HES7: variants seen among roughly 807,000 people sequenced by gnomAD.
HES7 encodes transcription factor HES-7.
Under a neutral mutation model 18.0 loss-of-function variants are expected in HES7, and 8 were observed. The observed-to-expected ratio is 0.45, with a 90% confidence interval of 0.26 to 0.80. The LOEUF is 0.80. Ranked by LOEUF, HES7 falls within the 30% of genes least tolerant of loss-of-function variation. The pLI, the probability that HES7 is intolerant of heterozygous loss-of-function variation, is 0.18. For missense variants in HES7, 356 were observed against 340.9 expected (o/e 1.04, Z -0.35); for synonymous variants, 170 against 158.6 (o/e 1.07, Z -0.54).
upstream of HES7, among the ~76,000 whole-genome samples, chr17:8,125,734 T>A (rs143663718): frequency 1.3e-5 from 2 of 152,148 alleles, no homozygotes; most frequent in Non-Finnish European, 2.9e-5. Context: ...CCCCGCAGAA[T>A]CTTTAAGCCG....
chr17:8,121,957 C>G lies in HES7; in HGVS notation c.307G>C (p.Glu103Gln). 2 of 1,555,202 alleles carry G rather than the reference C, an allele frequency of 1.3e-6. No individual in the cohort carries two copies. The highest frequency in any genetic ancestry group is 1.7e-6 in the Non-Finnish European group (2 of 1,160,948). ...LASCYLSGFR[E>Q]CLLRLAAFAH... ...AAGGCCGCCAAGCGAAGCAGGCACTCGCGGAAACCGGACAAGTAGCAGCTG... is the reference window on the plus strand; with the variant it reads ...AAGGCCGCCAAGCGAAGCAGGCACTGGCGGAAACCGGACAAGTAGCAGCTG... The change falls in exon 4 of 4, where the codon GAG becomes CAG. Residue 103 changes from glutamate (E) to glutamine (Q), a missense_variant. Glu to Gln is a conservative substitution (Grantham distance 29). Transcript: ENST00000541682.
upstream of HES7, chr17:8,124,110 G>A (rs1280410241): frequency 6.2e-7 from 1 of 1,613,824 alleles, no homozygotes; most frequent in East Asian, 2.2e-5. Context: ...TGTGTGGACC[G>A]GTTCCCTGCT....
chr17:8,121,687 C>G lies in HES7; in HGVS notation c.577G>C (p.Gly193Arg). ...AGTCCGGTGAGGGGCGCCGGCGCGC[C>G]AGAATCCCCGGCGCGCGGGGAGCAG... ...SLCSPRAGDS[G>R]APAPLTGLLP... Residue 193 changes from glycine (G) to arginine (R), a missense_variant, in exon 4 of 4, where the codon GGC becomes CGC. By Grantham distance (125) the Gly-to-Arg change is moderately radical (BLOSUM62 -2). Coordinates refer to ENST00000541682, the MANE Select transcript of HES7 (RefSeq NM_001165967.2). The G allele has an allele frequency of 7.5e-7, 1 of 1,327,018 alleles. No individual in the cohort carries two copies. The highest frequency in any genetic ancestry group is 9.6e-7 in the Non-Finnish European group (1 of 1,045,046). 82.2% of individuals were successfully genotyped at this position (1,327,018 alleles called of 1,614,324 possible).
rs1195182880 is a variant in HES7 at position 8,122,329 on chromosome 17, C to A, written c.226+14G>T. The stretch of plus-strand genomic sequence containing the variant: ...CCCCCTCCCTCCCTCCGCTGCCCCA[C>A]CCCCGCGCTGTACCCGGGGGCTCCA... On this transcript the variant is annotated intron_variant, in intron 3 of 3. Transcript: ENST00000541682. This position sits in a 1 kb window ranked among gnomAD's most constrained non-coding sequence, Gnocchi z 6.9. The A allele has an allele frequency of 6.4e-7, 1 of 1,568,302 alleles. No homozygotes were observed. The highest frequency in any genetic ancestry group is 8.7e-7 in the Non-Finnish European group (1 of 1,154,600).
upstream of HES7, among the ~76,000 whole-genome samples, chr17:8,125,061 G>A (rs115873433): frequency 6.4e-4 from 98 of 152,104 alleles, no homozygotes; most frequent in African/African-American, 2.2e-3. Context: ...GGAAAGCAAG[G>A]GGTACAAAAA....
rs753173122 is a variant in HES7 at position 8,121,734 on chromosome 17, C to G, written c.530G>C (p.Arg177Pro). Reference protein sequence around the residue: ...PPVHQGHPSPRCAWSPSLCSP... With the variant: ...PPVHQGHPSPPCAWSPSLCSP... The stretch of plus-strand genomic sequence containing the variant: ...GCAGAGGGATGGGGACCATGCGCAG[C>G]GCGGGCTAGGGTGGCCCTGGTGCAC... The change falls in exon 4 of 4, where the codon CGC becomes CCC. Residue 177 changes from arginine to proline, a missense_variant. Transcript: ENST00000541682. 15 of 1,422,784 alleles carry G rather than the reference C, an allele frequency of 1.1e-5. No homozygotes were observed. Among genetic ancestry groups the G allele is most frequent in the Non-Finnish European group, 1.3e-5 (14 of 1,099,754 alleles). 88.1% of individuals were successfully genotyped at this position (1,422,784 alleles called of 1,614,324 possible).
upstream of HES7, among the ~76,000 whole-genome samples, chr17:8,126,331 T>C (rs911300914): frequency 2.6e-5 from 4 of 152,182 alleles, no homozygotes; most frequent in African/African-American, 7.2e-5. Flanking sequence ...CCTGGGTCTC[T>C]CTGGTGTTGG....
chr17:8,125,268 G>A (rs1039878782), upstream of HES7, among the ~76,000 whole-genome samples: 1 of 152,138 alleles, frequency 6.6e-6, no homozygotes, highest in African/African-American at 2.4e-5. Context: ...GAGACCAATG[G>A]GGTTTCCTTC....
At chr17:8,125,771 C>G (rs752314188), upstream of HES7, among the ~76,000 whole-genome samples, 1 of 152,228 alleles carries the variant, frequency 6.6e-6, no homozygotes, top group African/African-American at 2.4e-5. Context: ...TGGTAGAATT[C>G]TCGCCTGCCA....
rs1471242507 is a variant in HES7, at chr17:8,122,181, G to T, written c.227-144C>A. 2 of 933,824 alleles carry T rather than the reference G, an allele frequency of 2.1e-6. No homozygotes were observed. The highest frequency in any genetic ancestry group is 3.2e-6 in the Non-Finnish European group (2 of 628,846). The allele number at this position is 933,824 out of a possible 1,614,324, so 57.8% of individuals were successfully genotyped here. ...ACGGAAAGAGGGAGAAAATGAGGGA[G>T]ACACAGAGACAGACACGCGCGGGTG... On this transcript the variant is annotated intron_variant, in intron 3 of 3. Coordinates refer to ENST00000541682, the MANE Select transcript of HES7 (RefSeq NM_001165967.2). The surrounding 1 kb of genome is among the most constrained non-coding windows in gnomAD (Gnocchi z 6.9).
chr17:8,125,125 T>C (rs561904338), upstream of HES7, among the ~76,000 whole-genome samples: 1 of 152,262 alleles, frequency 6.6e-6, no homozygotes, highest in Admixed American at 6.5e-5. Context: ...GAACGATGCC[T>C]GACCACTCGA....
Position 8,121,683 on chromosome 17 carries a change from G to A in HES7, c.581C>T (p.Ala194Val). ...CAGCAGTCCGGTGAGGGGCGCCGGC[G>A]CGCCAGAATCCCCGGCGCGCGGGGA... ...LCSPRAGDSG[A>V]PAPLTGLLPP... The change falls in exon 4 of 4, where the codon GCG becomes GTG. Residue 194 changes from alanine to valine, a missense_variant. Coordinates refer to ENST00000541682, the MANE Select transcript of HES7 (RefSeq NM_001165967.2). 7.5e-7 allele frequency: 1 copy of A among 1,326,248 alleles called. No homozygotes were observed. The highest frequency in any genetic ancestry group is 4.1e-5 in the Admixed American group (1 of 24,260). 82.2% of individuals were successfully genotyped at this position (1,326,248 alleles called of 1,614,324 possible). A position where few individuals can be genotyped will look rare whatever the true frequency, so the allele number is the denominator to read the frequency against.
chr17:8,123,417 C>A lies in HES7; in HGVS notation c.43-291G>T. 3.8e-6 allele frequency: 2 copies of A among 523,068 alleles called. No homozygotes were observed. Among genetic ancestry groups the A allele is most frequent in the Non-Finnish European group, 6.9e-6 (2 of 288,584 alleles). 32.4% of individuals were successfully genotyped at this position (523,068 alleles called of 1,614,324 possible). ...TTTCTCTCTACGTCTCCGTCTGGTGCAGTTTCTCTTTGTCTCAGTGGAGAA... is the reference window on the plus strand; with the variant it reads ...TTTCTCTCTACGTCTCCGTCTGGTGAAGTTTCTCTTTGTCTCAGTGGAGAA... On this transcript the variant is annotated intron_variant, in intron 1 of 3. Transcript: ENST00000541682. The surrounding 1 kb of genome is among the most constrained non-coding windows in gnomAD (Gnocchi z 5.9).
At position 8,122,425 on chromosome 17, in the gene HES7, G is replaced by A. The variant is rs1161024448; in HGVS notation, c.144C>T (p.Leu48=). 7 of 1,582,176 alleles carry A rather than the reference G, an allele frequency of 4.4e-6. No individual in the cohort carries two copies. Among genetic ancestry groups the A allele is most frequent in the Non-Finnish European group, 6.0e-6 (7 of 1,163,984 alleles). Residue 48 remains leucine (L), a synonymous_variant, in exon 3 of 4, where the codon CTC becomes CTT. Coordinates refer to ENST00000541682, the MANE Select transcript of HES7 (RefSeq NM_001165967.2). This position sits in a 1 kb window ranked among gnomAD's most constrained non-coding sequence, Gnocchi z 6.9. ...LLLERTRDQN[L]RNPKLEKAEI... ...CCGCTTTCTCCAGCTTCGGGTTCCG[G>A]AGGTTCTACAGACGGGAGGGGAGGG... is the stretch of plus-strand genomic sequence containing the variant.
In HES7 at chr17:8,122,320, GCT is replaced by G; in HGVS notation, c.226+21_226+22del. On this transcript the variant is annotated intron_variant, in intron 3 of 3. Coordinates refer to ENST00000541682, the MANE Select transcript of HES7 (RefSeq NM_001165967.2). The surrounding 1 kb of genome is among the most constrained non-coding windows in gnomAD (Gnocchi z 6.9). ...CCTGGCGTCCCCCCTCCCTCCCTCC[GCT>G]GCCCCACCCCCGCGCTGTACCCGGG... The G allele has an allele frequency of 1.1e-6, 1 of 891,942 alleles. No homozygotes were observed. The highest frequency in any genetic ancestry group is 1.7e-6 in the Non-Finnish European group (1 of 581,450). The allele number at this position is 891,942 out of a possible 1,614,324, so 55.3% of individuals were successfully genotyped here.
rs1213849112 is a variant in HES7, at chr17:8,123,063, T to C, written c.106A>G (p.Arg36Gly). 2 of 1,605,320 alleles carry C rather than the reference T, an allele frequency of 1.2e-6. No individual in the cohort carries two copies. Among genetic ancestry groups the C allele is most frequent in the South Asian group, 2.2e-5 (2 of 89,492 alleles). ...CGGGTCCGCTCCAGCAGCAGCAGCC[T>C]CAGCTCTTCCAGGCTGCGGTTGATG... ...DRINRSLEEL[R>G]LLLLERTRDQ... Residue 36 changes from arginine (R) to glycine (G), a missense_variant, in exon 2 of 4, where the codon AGG becomes GGG. Transcript: ENST00000541682. The surrounding 1 kb of genome is among the most constrained non-coding windows in gnomAD (Gnocchi z 5.9).
Position 8,123,248 on chromosome 17 carries a change from C to G in HES7, c.43-122G>C. 1.3e-6 allele frequency: 1 copy of G among 750,352 alleles called. No homozygotes were observed. Among genetic ancestry groups the G allele is most frequent in the East Asian group, 2.7e-5 (1 of 37,194 alleles). 46.5% of individuals were successfully genotyped at this position (750,352 alleles called of 1,614,324 possible). A position where few individuals can be genotyped will look rare whatever the true frequency, so the allele number is the denominator to read the frequency against. On this transcript the variant is annotated intron_variant, in intron 1 of 3. Coordinates refer to ENST00000541682, the MANE Select transcript of HES7 (RefSeq NM_001165967.2). The surrounding 1 kb of genome is among the most constrained non-coding windows in gnomAD (Gnocchi z 5.9). Reference sequence around the variant, plus strand: ...ACCCCGGCCACAAGACCCCAGATTGCCTAGGGCCGGCCCCATTCGATCCCT... The same window carrying G: ...ACCCCGGCCACAAGACCCCAGATTGGCTAGGGCCGGCCCCATTCGATCCCT...
upstream of HES7, among the ~76,000 whole-genome samples, chr17:8,124,320 C>T (rs1361608611): frequency 5.3e-5 from 8 of 152,068 alleles, no homozygotes; most frequent in African/African-American, 1.9e-4. Context: ...GGCTGGTTTA[C>T]AGACCGTAAG....
In HES7 at chr17:8,121,387, G is replaced by A; in HGVS notation, c.*184C>T. 1 of 421,168 alleles carries A rather than the reference G, an allele frequency of 2.4e-6. No homozygotes were observed. The highest frequency in any genetic ancestry group is 6.2e-4 in the Middle Eastern group (1 of 1,614). 26.1% of individuals were successfully genotyped at this position (421,168 alleles called of 1,614,324 possible). ...AAGTTGGGGCAGGGAAAAGGGACAGGAACCAGGGAAATATATATTTATATA... is the reference window on the plus strand; with the variant it reads ...AAGTTGGGGCAGGGAAAAGGGACAGAAACCAGGGAAATATATATTTATATA... On this transcript the variant is annotated 3_prime_UTR_variant, in exon 4 of 4. Transcript: ENST00000541682.
Sources: gnomAD v4.1 joint callset for allele counts (sites outside exome capture counted in the v4.1 genomes callset) on GRCh38, gnomAD v4.1.1 for gene constraint, Gnocchi (gnomAD v3.1) non-coding constraint, MANE v1.5 for transcripts, NCBI Gene and HGNC (gene_info 2026-07-23, HGNC 2026-07-21) for gene names.